The following RBIS variants were observed in gnomAD, a reference collection of about 807,000 sequenced individuals.
The protein encoded by RBIS is ribosomal biogenesis factor.
Under a neutral mutation model 9.8 loss-of-function variants are expected in RBIS, and 9 were observed. The observed-to-expected ratio is 0.92, with a 90% CI of 0.56 to 1.61. RBIS has a LOEUF of 1.61. Ranked by LOEUF, RBIS falls within the 40% of genes most tolerant of loss-of-function variation. The pLI is 0.00. For missense variants in RBIS, 103 were observed against 116.0 expected, an observed-to-expected ratio of 0.89 and a Z score of 0.51; for synonymous variants, 35 against 37.9, an observed-to-expected ratio of 0.92 and a Z score of 0.28.
rs1813045194 is a variant in RBIS at position 85,214,376 on chromosome 8, T to C, written c.*184A>G. ...TGAAGTGCCTTCTGTTTTAGCACTT[T>C]AAGTTTATCACATTTTGTTGACTTC... On this transcript the variant is annotated 3_prime_UTR_variant, in exon 4 of 4. Transcript: ENST00000619594. The C allele has an allele frequency of 1.6e-6, 1 of 612,386 alleles. No individual in the cohort carries two copies. The highest frequency in any genetic ancestry group is 2.9e-6 in the Non-Finnish European group (1 of 344,804). The allele number at this position is 612,386 out of a possible 1,614,324, so 37.9% of individuals were successfully genotyped here.
chr8:85,220,321 T>C lies in RBIS; in HGVS notation c.-19A>G, dbSNP rs967256184. 1 of 152,246 alleles carries C rather than the reference T, an allele frequency of 6.6e-6. No individual in the cohort carries two copies. Among genetic ancestry groups the C allele is most frequent in the Admixed American group, 6.5e-5 (1 of 15,288 alleles). 9.4% of individuals were successfully genotyped at this position (152,246 alleles called of 1,614,324 possible). On this transcript the variant is annotated 5_prime_UTR_variant, in exon 1 of 4. Transcript: ENST00000619594. Reference sequence around the variant, plus strand: ...AAACTCTCACCAGAAGTTTAACACTTGCGTGCAGCTTTTTAAGCTCCAGGT... The same window carrying C: ...AAACTCTCACCAGAAGTTTAACACTCGCGTGCAGCTTTTTAAGCTCCAGGT...
chr8:85,215,078 C>A, intron 2 of RBIS, 41 bp from the exon 3 acceptor site: 1 of 788,998 alleles, frequency 1.3e-6, no homozygotes. Context: ...GATCTCATAA[C>A]CATTAAAGAT....
At chr8:85,215,075 T>G in intron 2 of RBIS, 38 bp from the exon 3 acceptor site, 1 of 825,340 alleles carries the variant, frequency 1.2e-6, no homozygotes, top group Non-Finnish European at 1.9e-6. Context: ...TATGATCTCA[T>G]AACCATTAAA....
intron 1 of RBIS, 62 bp from the exon 2 acceptor site, chr8:85,217,564 G>T: frequency 9.9e-7 from 1 of 1,007,250 alleles, no homozygotes; most frequent in Non-Finnish European, 1.5e-6. Context: ...TCAATTTTAA[G>T]TTTTTAAAGG....
At position 85,217,488 on chromosome 8, in the gene RBIS, G is replaced by C; in HGVS notation, c.12C>G (p.Asn4Lys). ...TCCTGGACTTCGGCCCTCTTAATTT[G>C]TTCTTGGCCATTGTCTAGAAAAGAA... MAKNKLRGPKSRNV... is the reference protein window; with the variant it reads MAKKKLRGPKSRNV... The change falls in exon 2 of 4, where the codon AAC becomes AAG. Residue 4 changes from asparagine (N) to lysine (K), a missense_variant. Coordinates refer to ENST00000619594, the MANE Select transcript of RBIS (RefSeq NM_001099673.3). 6.2e-7 allele frequency: 1 copy of C among 1,606,888 alleles called. No homozygotes were observed. The highest frequency in any genetic ancestry group is 8.5e-7 in the Non-Finnish European group (1 of 1,175,300).
At position 85,217,286 on chromosome 8, in the gene RBIS, G is replaced by A. The variant is rs1425055245; in HGVS notation, c.114+100C>T. 3 of 778,774 alleles carry A rather than the reference G, an allele frequency of 3.9e-6. No homozygotes were observed. In the South Asian group the frequency reaches 4.3e-5, roughly 11 times the overall value. 48.2% of individuals were successfully genotyped at this position (778,774 alleles called of 1,614,324 possible). A position where few individuals can be genotyped will look rare whatever the true frequency, so the allele number is the denominator to read the frequency against. ...CCATCCTTACCTTTCTAGGAAAAAT[G>A]AAGAACCTTTTTAAAAAGTAATAGT... On this transcript the variant is annotated intron_variant, in intron 2 of 3. Transcript: ENST00000619594.
intron 2 of RBIS, chr8:85,216,926 A>C (rs1363294063): frequency 5.6e-6 from 1 of 178,336 alleles, no homozygotes; most frequent in Non-Finnish European, 1.2e-5. Flanking sequence ...CAAATTGTGC[A>C]TTTCAATAAA....
In RBIS at chr8:85,214,325, A is replaced by G; in HGVS notation, c.*235T>C. 1.7e-6 allele frequency: 1 copy of G among 591,106 alleles called. No homozygotes were observed. The highest frequency in any genetic ancestry group is 2.9e-5 in the Admixed American group (1 of 34,038). The allele number at this position is 591,106 out of a possible 1,614,324, so 36.6% of individuals were successfully genotyped here. ...AAGTGAAGGATGTAAACGAGGATAT[A>G]TAACTGTTTCAGTGAACAGATTTTG... is the stretch of plus-strand genomic sequence containing the variant. On this transcript the variant is annotated 3_prime_UTR_variant, in exon 4 of 4. Transcript: ENST00000619594.
intron 1 of RBIS, among the ~76,000 whole-genome samples, chr8:85,219,888 T>C (rs948667096): frequency 1.3e-5 from 2 of 152,078 alleles, no homozygotes; most frequent in African/African-American, 2.4e-5. Context: ...ATAATGACAG[T>C]ATATATACGG....
In RBIS at chr8:85,214,382, T is replaced by C; in HGVS notation, c.*178A>G. ...GCCTTCTGTTTTAGCACTTTAAGTTTATCACATTTTGTTGACTTCTGACAT... is the reference window on the plus strand; with the variant it reads ...GCCTTCTGTTTTAGCACTTTAAGTTCATCACATTTTGTTGACTTCTGACAT... On this transcript the variant is annotated 3_prime_UTR_variant, in exon 4 of 4. Coordinates refer to ENST00000619594, the MANE Select transcript of RBIS (RefSeq NM_001099673.3). 3 of 616,062 alleles carry C rather than the reference T, an allele frequency of 4.9e-6. No individual in the cohort carries two copies. The highest frequency in any genetic ancestry group is 2.8e-5 in the East Asian group (1 of 35,466). The allele number at this position is 616,062 out of a possible 1,614,324, so 38.2% of individuals were successfully genotyped here.
chr8:85,219,721 T>A (rs1813289989), intron 1 of RBIS, among the ~76,000 whole-genome samples: 1 of 151,866 alleles, frequency 6.6e-6, no homozygotes, highest in African/African-American at 2.4e-5. Context: ...GGCGACAGAC[T>A]GAGACTCAGT....
At chr8:85,218,610 C>T (rs1276059931) in intron 1 of RBIS, 1 of 152,152 alleles carries the variant, frequency 6.6e-6, no homozygotes. Context: ...CCTATAATCC[C>T]AGCACTTTGG....
chr8:85,217,363 C>T, intron 2 of RBIS, 23 bp downstream of exon 2: 1 of 1,302,444 alleles, frequency 7.7e-7, no homozygotes, highest in South Asian at 1.2e-5. Context: ...ACAATAAAGT[C>T]AGAGTGCTTA....
chr8:85,217,511 G>T lies in RBIS; in HGVS notation c.-3-9C>A, dbSNP rs368012744. On this transcript the variant is annotated splice_polypyrimidine_tract_variant and intron_variant, in intron 1 of 3. Transcript: ENST00000619594. ...TTGTTCTTGGCCATTGTCTAGAAAA[G>T]AAAATAAATTCAATTAAATTGCCCA... The T allele has an allele frequency of 6.5e-7, 1 of 1,544,846 alleles. No homozygotes were observed. The highest frequency in any genetic ancestry group is 8.9e-7 in the Non-Finnish European group (1 of 1,121,262).
At position 85,219,878 on chromosome 8, in the gene RBIS, A is replaced by C. The variant is rs1362747613; in HGVS notation, c.-4+428T>G. On this transcript the variant is annotated intron_variant, in intron 1 of 3. Coordinates refer to ENST00000619594, the MANE Select transcript of RBIS (RefSeq NM_001099673.3). ...CACAAAAAATATATATGGAACATAA[A>C]TAATGACAGTATATATACGGAACAT... is the stretch of plus-strand genomic sequence containing the variant. 2.0e-5 allele frequency among the ~76,000 whole-genome samples: 3 copies of C among 152,352 alleles called. No homozygotes were observed. The East Asian group carries it at 5.8e-4, about 29-fold the overall frequency.
chr8:85,214,628 G>C lies in RBIS; in HGVS notation c.235C>G (p.Pro79Ala), dbSNP rs763059450. The C allele has an allele frequency of 2.6e-6, 4 of 1,537,760 alleles. No individual in the cohort carries two copies. The African/African-American group carries it at 4.1e-5, about 16-fold the overall frequency. Residue 79 changes from proline to alanine, a missense_variant, in exon 4 of 4, where the codon CCT (proline) becomes GCT (alanine). Pro to Ala is a conservative substitution (Grantham distance 27, BLOSUM62 -1). Transcript: ENST00000619594. ...GGTTTGCTTTCATGACGCTGCTGAG[G>C]AATCTGAAAGGAGAAAGTATTATAT... ...SLEPLQKELIPQQRHESKPVN... is the reference protein window; with the variant it reads ...SLEPLQKELIAQQRHESKPVN...
At position 85,215,002 on chromosome 8, in the gene RBIS, T is replaced by C; in HGVS notation, c.150A>G (p.Val50=). ...TTTGTACATTTACAAAAGCTTTATT[T>C]ACTCTGTTAACTTTTTCCTCATTCA... ...NIMNEEKVNR[V]NKAFVNVQKE... The change falls in exon 3 of 4, where the codon GTA becomes GTG. Residue 50 remains valine (V), a synonymous_variant. Transcript: ENST00000619594. 1 of 1,562,398 alleles carries C rather than the reference T, an allele frequency of 6.4e-7. No homozygotes were observed. The highest frequency in any genetic ancestry group is 1.2e-5 in the South Asian group (1 of 84,440).
In RBIS at chr8:85,220,341, C is replaced by G. The variant is rs1813325154; in HGVS notation, c.-39G>C. ...ACACTTGCGTGCAGCTTTTTAAGCTCCAGGTAACACCATCTGGCACGTACG... is the reference window on the plus strand; with the variant it reads ...ACACTTGCGTGCAGCTTTTTAAGCTGCAGGTAACACCATCTGGCACGTACG... On this transcript the variant is annotated 5_prime_UTR_variant, in exon 1 of 4. Transcript: ENST00000619594. 1 of 152,248 alleles carries G rather than the reference C, an allele frequency of 6.6e-6. No individual in the cohort carries two copies. Among genetic ancestry groups the G allele is most frequent in the African/African-American group, 2.4e-5 (1 of 41,466 alleles). The allele number at this position is 152,248 out of a possible 1,614,324, so 9.4% of individuals were successfully genotyped here. A position where few individuals can be genotyped will look rare whatever the true frequency, so the allele number is the denominator to read the frequency against.
At chr8:85,217,627 G>A (rs1364170241) in intron 1 of RBIS, 125 bp from the exon 2 acceptor site, 2 of 650,162 alleles carry the variant, frequency 3.1e-6, no homozygotes, top group East Asian at 5.4e-5. Context: ...TTTAAAGTTG[G>A]TGCATATATT....
Sources: gnomAD v4.1 joint callset for allele counts (sites outside exome capture counted in the v4.1 genomes callset) on GRCh38, gnomAD v4.1.1 for gene constraint, MANE v1.5 for transcripts, NCBI Gene and HGNC (gene_info 2026-07-23, HGNC 2026-07-21) for gene names.